The following GLRA3 variants were observed in gnomAD, a reference collection of about 807,000 sequenced individuals.
The protein encoded by GLRA3 is glycine receptor subunit alpha-3.
A neutral mutation model predicts 60.4 loss-of-function variants in GLRA3; 44 were observed. The ratio of observed to expected loss-of-function variants is 0.73; its 90% CI spans 0.57 to 0.94. The LOEUF is 0.94. GLRA3 is among the 40% of genes least tolerant of loss of function. The pLI, the probability that GLRA3 is intolerant of heterozygous loss-of-function variation, is 0.00. For missense variants in GLRA3, 508 were observed against 564.6 expected (o/e 0.90, Z 1.02); for synonymous variants, 223 against 192.9 (o/e 1.16, Z -1.29).
At chr4:174,665,749 G>T (rs1312503378) in intron 7 of GLRA3, among the ~76,000 whole-genome samples, 3 of 152,214 alleles carry the variant, frequency 2.0e-5, no homozygotes, top group Admixed American at 1.3e-4. Flanking sequence ...TAAGACAAAG[G>T]CCAGACCTTA....
At chr4:174,748,466 G>T (rs1737334931) in intron 3 of GLRA3, among the ~76,000 whole-genome samples, 1 of 152,102 alleles carries the variant, frequency 6.6e-6, no homozygotes, top group South Asian at 2.1e-4. Flanking sequence ...TCCAGGGAAA[G>T]CTTTCATTTT....
intron 2 of GLRA3, among the ~76,000 whole-genome samples, chr4:174,782,945 C>T (rs1414183221): frequency 6.6e-6 from 1 of 152,152 alleles, no homozygotes; most frequent in East Asian, 1.9e-4. Context: ...CAATGACTTT[C>T]TTCACAGAAT....
At position 174,656,743 on chromosome 4, in the gene GLRA3, C is replaced by T; in HGVS notation, c.1116G>A (p.Met372Ile). ...ALEKFYRFSD[M>I]DDEVRESRFS... is the part of the protein sequence containing the mutation. ...TTTAGAGTTAAGAAAGTCAATTTAC[C>T]ATATCTGAGAAACGGTAAAACTTCT... Residue 372 changes from methionine to isoleucine, a missense_variant and splice_region_variant, in exon 9 of 10, where the codon ATG becomes ATA. By Grantham distance (10) the Met-to-Ile change is conservative. Around this residue, in one of 3 missense-constraint regions of GLRA3, gnomAD observed 176 missense variants for 197.9 expected, o/e 0.89. Coordinates refer to ENST00000274093, the MANE Select transcript of GLRA3 (RefSeq NM_006529.4). 3.9e-6 allele frequency: 6 copies of T among 1,543,164 alleles called. No homozygotes were observed. The highest frequency in any genetic ancestry group is 4.5e-6 in the Non-Finnish European group (5 of 1,115,970).
intron 7 of GLRA3, among the ~76,000 whole-genome samples, chr4:174,666,754 ATATATTATAT>A (rs1231910755): frequency 1.3e-5 from 1 of 75,480 alleles, no homozygotes; most frequent in African/African-American, 6.9e-5. Flanking sequence ...ATATATATAT[ATATATTATAT>A]ATATATATAT....
chr4:174,755,585 T>C (rs1737659843), intron 3 of GLRA3, among the ~76,000 whole-genome samples: 1 of 152,078 alleles, frequency 6.6e-6, no homozygotes, highest in Non-Finnish European at 1.5e-5. Context: ...CTAAAATGGA[T>C]TGATATGAAT....
chr4:174,795,013 A>C (rs914317723), intron 1 of GLRA3, among the ~76,000 whole-genome samples: 1 of 151,256 alleles, frequency 6.6e-6, no homozygotes, highest in Non-Finnish European at 1.5e-5. Context: ...AAGAGAAAAA[A>C]GTTAGAAATA....
chr4:174,786,395 G>A (rs568153883), intron 2 of GLRA3, among the ~76,000 whole-genome samples: 5 of 152,204 alleles, frequency 3.3e-5, no homozygotes, highest in East Asian at 1.9e-4. Flanking sequence ...ATTTTTGCCT[G>A]AGGTGAGGTG....
chr4:174,680,501 T>C (rs912619992), intron 6 of GLRA3, among the ~76,000 whole-genome samples: 2 of 152,144 alleles, frequency 1.3e-5, no homozygotes, highest in Admixed American at 1.3e-4. Context: ...TGAATAACCC[T>C]GAAGAAAGTG....
At chr4:174,798,469 T>C (rs1479276322) in intron 1 of GLRA3, among the ~76,000 whole-genome samples, 3 of 152,136 alleles carry the variant, frequency 2.0e-5, no homozygotes, top group Non-Finnish European at 4.4e-5. Flanking sequence ...AAAGAGAAAC[T>C]TGGTCATCTG....
intron 1 of GLRA3, among the ~76,000 whole-genome samples, chr4:174,828,037 T>C (rs1377741842): frequency 6.6e-6 from 1 of 152,150 alleles, no homozygotes. Flanking sequence ...CTAGCTCTCT[T>C]ATACTCTTTA....
At position 174,746,858 on chromosome 4, in the gene GLRA3, G is replaced by T. The variant is rs183144040; in HGVS notation, c.268-18160C>A. Among the ~76,000 whole-genome samples, 1,413 of 152,086 alleles carry T rather than the reference G, an allele frequency of 9.3e-3. 21 individuals are homozygous for T. Among genetic ancestry groups the T allele is most frequent in the African/African-American group, 0.032 (1,339 of 41,460 alleles). ...AATATGTAAATCATTATATTAGGTT[G>T]GTGCAAAAGTAATTGTCATTACTTT... On this transcript the variant is annotated intron_variant, in intron 3 of 9. Transcript: ENST00000274093.
At chr4:174,692,417 C>A (rs1488875441) in intron 5 of GLRA3, among the ~76,000 whole-genome samples, 7 of 151,272 alleles carry the variant, frequency 4.6e-5, no homozygotes, top group Non-Finnish European at 5.9e-5. Context: ...CTCTTCCCGG[C>A]CACCACCCCA....
chr4:174,652,822 G>A (rs1335963956), intron 9 of GLRA3, among the ~76,000 whole-genome samples: 2 of 152,068 alleles, frequency 1.3e-5, no homozygotes, highest in Non-Finnish European at 2.9e-5. Context: ...GACTAATTTT[G>A]TATCTTCTTC....
chr4:174,642,212 G>A lies in GLRA3; in HGVS notation c.*1574C>T. 2.3e-6 allele frequency: 2 copies of A among 873,766 alleles called. No homozygotes were observed. Among genetic ancestry groups the A allele is most frequent in the East Asian group, 1.2e-4 (1 of 8,288 alleles). 54.1% of individuals were successfully genotyped at this position (873,766 alleles called of 1,614,324 possible). ...GTATAAGCTGATGTACAATAACATTGTAAAGGTTTTAGTTTTAAATGGTAG... is the reference window on the plus strand; with the variant it reads ...GTATAAGCTGATGTACAATAACATTATAAAGGTTTTAGTTTTAAATGGTAG... On this transcript the variant is annotated 3_prime_UTR_variant, in exon 10 of 10. Transcript: ENST00000274093.
chr4:174,771,226 G>C lies in GLRA3; in HGVS notation c.200-4196C>G, dbSNP rs182935568. The stretch of plus-strand genomic sequence containing the variant: ...GTGCACATGTAACTTAAAACTTAAA[G>C]TATAATAATGATAAAATAAAAAAAT... On this transcript the variant is annotated intron_variant, in intron 2 of 9. Coordinates refer to ENST00000274093, the MANE Select transcript of GLRA3 (RefSeq NM_006529.4). Among the ~76,000 whole-genome samples, 51 of 151,996 alleles carry C rather than the reference G, an allele frequency of 3.4e-4. 1 individual carries two copies. The Middle Eastern group carries it at 0.017, about 51-fold the overall frequency.
At chr4:174,738,816 A>G (rs917399655) in intron 3 of GLRA3, among the ~76,000 whole-genome samples, 2 of 152,338 alleles carry the variant, frequency 1.3e-5, no homozygotes, top group South Asian at 2.1e-4. Flanking sequence ...AACAACTGAG[A>G]TCTCACTGCT....
chr4:174,716,889 C>A (rs1391567596), intron 4 of GLRA3, among the ~76,000 whole-genome samples: 1 of 152,080 alleles, frequency 6.6e-6, no homozygotes, highest in African/African-American at 2.4e-5. Context: ...ACAAAGATGA[C>A]TAAATTAAAT....
intron 5 of GLRA3, among the ~76,000 whole-genome samples, chr4:174,706,877 CA>C (rs1735539463): frequency 6.6e-6 from 1 of 152,138 alleles, no homozygotes; most frequent in Admixed American, 6.5e-5. Context: ...CAAATCCATA[CA>C]ATTCCAGAAT....
rs1391804471 is a variant in GLRA3, at chr4:174,677,301, TG to T, written c.713-10del. The T allele has an allele frequency of 6.5e-7, 1 of 1,536,288 alleles. No homozygotes were observed. Among genetic ancestry groups the T allele is most frequent in the Admixed American group, 1.7e-5 (1 of 59,798 alleles). ...TATACACGTAAACTTTCCTAATTGG[TG>T]GTAAGGTAAATACAGCAATTAGTAC... On this transcript the variant is annotated splice_polypyrimidine_tract_variant and intron_variant, in intron 6 of 9. Transcript: ENST00000274093.
Sources: gnomAD v4.1 joint callset for allele counts (sites outside exome capture counted in the v4.1 genomes callset) on GRCh38, gnomAD v4.1.1 for gene constraint, gnomAD v4.1.1 regional missense constraint, MANE v1.5 for transcripts, NCBI Gene and HGNC (gene_info 2026-07-23, HGNC 2026-07-21) for gene names.